The following CREBZF variants were observed in gnomAD, a reference collection of about 807,000 sequenced individuals.
The protein encoded by CREBZF is HCF-binding transcription factor Zhangfei.
Under a neutral mutation model 21.1 loss-of-function variants are expected in CREBZF, and 8 were observed. The observed-to-expected ratio is 0.38, with a 90% CI of 0.22 to 0.68. The LOEUF is 0.68. CREBZF is among the 30% of genes least tolerant of loss of function. The pLI is 0.51. For synonymous variants in CREBZF, 270 were observed against 223.3 expected, an observed-to-expected ratio of 1.21 and a Z score of -1.86; for missense variants, 518 against 484.3, an observed-to-expected ratio of 1.07 and a Z score of -0.65.
rs2082705700 is a variant in CREBZF at position 85,662,170 on chromosome 11, A to G, written c.*1641T>C. ...GTGATGCACTGGAAACCAAAGACCAATTCAGGTCTCAAATCGTATTATCTA... is the reference window on the plus strand; with the variant it reads ...GTGATGCACTGGAAACCAAAGACCAGTTCAGGTCTCAAATCGTATTATCTA... On this transcript the variant is annotated 3_prime_UTR_variant, in exon 1 of 1. Coordinates refer to ENST00000527447, the MANE Select transcript of CREBZF (RefSeq NM_001039618.4). 6 of 513,224 alleles carry G rather than the reference A, an allele frequency of 1.2e-5. No individual in the cohort carries two copies. In the South Asian group the frequency reaches 1.4e-4, roughly 12 times the overall value. The allele number at this position is 513,224 out of a possible 1,614,324, so 31.8% of individuals were successfully genotyped here. A position where few individuals can be genotyped will look rare whatever the true frequency, so the allele number is the denominator to read the frequency against.
At chr11:85,681,470 G>A (rs2082976212) in intron 1 of CREBZF, among the ~76,000 whole-genome samples, 1 of 152,194 alleles carries the variant, frequency 6.6e-6, no homozygotes, top group Non-Finnish European at 1.5e-5. Flanking sequence ...ATACCAGTCA[G>A]TTCATTTCTC....
At chr11:85,677,369 T>G (rs1383276008) in intron 1 of CREBZF, among the ~76,000 whole-genome samples, 1 of 152,264 alleles carries the variant, frequency 6.6e-6, no homozygotes, top group African/African-American at 2.4e-5. Context: ...CAAAAATGTC[T>G]GTCTACAGAT....
chr11:85,667,317 C>A (rs1430757489), upstream of CREBZF, among the ~76,000 whole-genome samples: 1 of 152,014 alleles, frequency 6.6e-6, no homozygotes, highest in Non-Finnish European at 1.5e-5. Flanking sequence ...AGGTGATCTG[C>A]CCGACTCAGC....
rs1555210504 is a variant in CREBZF at position 85,663,725 on chromosome 11, G to A, written c.*86C>T. On this transcript the variant is annotated 3_prime_UTR_variant, in exon 1 of 1. Coordinates refer to ENST00000527447, the MANE Select transcript of CREBZF (RefSeq NM_001039618.4). ...TTTTTCTCTCCTCTGAAATGTGTCCGGTGAAGATGTCCCACTAAGGTAAGT... is the reference window on the plus strand; with the variant it reads ...TTTTTCTCTCCTCTGAAATGTGTCCAGTGAAGATGTCCCACTAAGGTAAGT... 8 of 1,594,080 alleles carry A rather than the reference G, an allele frequency of 5.0e-6. No homozygotes were observed. The highest frequency in any genetic ancestry group is 1.7e-5 in the Admixed American group (1 of 58,564).
At chr11:85,679,919 T>C (rs142802667) in intron 1 of CREBZF, among the ~76,000 whole-genome samples, 8 of 152,328 alleles carry the variant, frequency 5.3e-5, no homozygotes, top group East Asian at 1.9e-4. Context: ...ATGTGGAAGA[T>C]TCTTTTATTT....
chr11:85,667,534 T>C (rs1267149996), upstream of CREBZF, among the ~76,000 whole-genome samples: 1 of 152,260 alleles, frequency 6.6e-6, no homozygotes, highest in African/African-American at 2.4e-5. Context: ...TTGATTTATG[T>C]GAATTCTTTA....
intron 1 of CREBZF, among the ~76,000 whole-genome samples, chr11:85,678,728 A>G (rs2082957075): frequency 6.6e-6 from 1 of 152,242 alleles, no homozygotes; most frequent in Non-Finnish European, 1.5e-5. Context: ...ATGCCATGTC[A>G]TCCTTATATC....
Position 85,663,505 on chromosome 11 carries a change from G to T in CREBZF, c.*306C>A, listed in dbSNP as rs1244301762. The T allele has an allele frequency of 2.2e-5, 20 of 897,760 alleles. No homozygotes were observed. The East Asian group carries it at 5.0e-4, about 22-fold the overall frequency. The allele number at this position is 897,760 out of a possible 1,614,324, so 55.6% of individuals were successfully genotyped here. The stretch of plus-strand genomic sequence containing the variant: ...AAAGCAGCAGAGCATGAGCGTTACG[G>T]GAAGAGATGGATCCTTACCAGGTTG... On this transcript the variant is annotated 3_prime_UTR_variant, in exon 1 of 1. Transcript: ENST00000527447.
At chr11:85,682,174 C>G (rs898952649) in intron 1 of CREBZF, among the ~76,000 whole-genome samples, 8 of 152,198 alleles carry the variant, frequency 5.3e-5, no homozygotes, top group African/African-American at 1.9e-4. Context: ...TTTTGCCTCT[C>G]CAAACCTTCC....
At chr11:85,666,986 T>G (rs2082874464), upstream of CREBZF, among the ~76,000 whole-genome samples, 1 of 152,214 alleles carries the variant, frequency 6.6e-6, no homozygotes. Context: ...GGTAATCCCA[T>G]CCAACTACAT....
chr11:85,679,201 C>T lies in CREBZF; in HGVS notation n.147+3516G>A, dbSNP rs2082960433. ...TTCCTCTTCTCTTGGACAGTCTTTA[C>T]ACATTCTACAGATACCTTACATCCA... is the stretch of plus-strand genomic sequence containing the variant. On this transcript the variant is annotated intron_variant and non_coding_transcript_variant, in intron 1 of 3. Transcript: ENST00000531515. Among the ~76,000 whole-genome samples the T allele has an allele frequency of 2.0e-5, 3 of 152,202 alleles. No individual in the cohort carries two copies. The South Asian group carries it at 6.2e-4, about 31-fold the overall frequency.
Position 85,663,544 on chromosome 11 carries a change from A to G in CREBZF, c.*267T>C, listed in dbSNP as rs926883396. The G allele has an allele frequency of 4.6e-6, 6 of 1,318,052 alleles. No individual in the cohort carries two copies. 81.6% of individuals were successfully genotyped at this position (1,318,052 alleles called of 1,614,324 possible). On this transcript the variant is annotated 3_prime_UTR_variant, in exon 1 of 1. Transcript: ENST00000527447. ...CTTACCAGGTTGTGAGGCGGGAACG[A>G]CTGTTCTGTAACCCCTACAACGGAG...
chr11:85,678,560 T>C (rs17148333), intron 1 of CREBZF, among the ~76,000 whole-genome samples: 2,012 of 152,360 alleles, frequency 0.013, 50 homozygotes, highest in African/African-American at 0.046. Context: ...AATGCCAATA[T>C]TACAACTAAC....
Position 85,662,586 on chromosome 11 carries a change from T to TA in CREBZF, c.*1224dup. The TA allele has an allele frequency of 1.8e-6, 1 of 552,284 alleles. No homozygotes were observed. Among genetic ancestry groups the TA allele is most frequent in the South Asian group, 2.6e-5 (1 of 38,926 alleles). The allele number at this position is 552,284 out of a possible 1,614,324, so 34.2% of individuals were successfully genotyped here. On this transcript the variant is annotated 3_prime_UTR_variant, in exon 1 of 1. Transcript: ENST00000527447. The stretch of plus-strand genomic sequence containing the variant: ...TAATTCAATTTATACAACTGGTTAA[T>TA]AGATTCAAGGGAATAAATCCCACCT...
At chr11:85,666,990 A>G (rs1310811049), upstream of CREBZF, among the ~76,000 whole-genome samples, 3 of 152,210 alleles carry the variant, frequency 2.0e-5, no homozygotes, top group African/African-American at 7.2e-5. Context: ...ATCCCATCCA[A>G]CTACATTTTC....
In CREBZF at chr11:85,664,153, G is replaced by A; in HGVS notation, c.723C>T (p.Ala241=). 6.2e-7 allele frequency: 1 copy of A among 1,613,482 alleles called. No individual in the cohort carries two copies. The highest frequency in any genetic ancestry group is 1.1e-5 in the South Asian group (1 of 91,074). ...GLESRVRGLA[A]ENQELRAENR... is the part of the protein sequence containing the mutation. Reference sequence around the variant, plus strand: ...TCTCGGCCCGCAGCTCCTGGTTCTCGGCTGCCAGACCCCGGACTCGACTCT... The same window carrying A: ...TCTCGGCCCGCAGCTCCTGGTTCTCAGCTGCCAGACCCCGGACTCGACTCT... Residue 241 remains alanine (A), a synonymous_variant, in exon 1 of 1, where the codon GCC becomes GCT. Coordinates refer to ENST00000527447, the MANE Select transcript of CREBZF (RefSeq NM_001039618.4). The surrounding 1 kb of genome is among the most constrained non-coding windows in gnomAD (Gnocchi z 5.5).
chr11:85,664,889 G>C lies in CREBZF; in HGVS notation c.-14C>G. 6.9e-7 allele frequency: 1 copy of C among 1,453,042 alleles called. No homozygotes were observed. The highest frequency in any genetic ancestry group is 9.0e-7 in the Non-Finnish European group (1 of 1,109,526). The allele number at this position is 1,453,042 out of a possible 1,614,324, so 90.0% of individuals were successfully genotyped here. On this transcript the variant is annotated 5_prime_UTR_variant, in exon 1 of 1. Transcript: ENST00000527447. This position sits in a 1 kb window ranked among gnomAD's most constrained non-coding sequence, Gnocchi z 5.5. ...GCTATGCCTCATGAGGGCCAGCGGCGGGCCGCGGTAGGCCCCGGCCGCTAA... is the reference window on the plus strand; with the variant it reads ...GCTATGCCTCATGAGGGCCAGCGGCCGGCCGCGGTAGGCCCCGGCCGCTAA...
rs1489552585 is a variant in CREBZF, at chr11:85,662,222, G to C, written c.*1589C>G. The C allele has an allele frequency of 6.9e-6, 4 of 581,510 alleles. No individual in the cohort carries two copies. The African/African-American group carries it at 7.5e-5, about 11-fold the overall frequency. The allele number at this position is 581,510 out of a possible 1,614,324, so 36.0% of individuals were successfully genotyped here. A position where few individuals can be genotyped will look rare whatever the true frequency, so the allele number is the denominator to read the frequency against. ...CAACAAAACATTTACAGTTGTGCAA[G>C]AACAAGGATTCCATTTTCATAACCA... is the stretch of plus-strand genomic sequence containing the variant. On this transcript the variant is annotated 3_prime_UTR_variant, in exon 1 of 1. Coordinates refer to ENST00000527447, the MANE Select transcript of CREBZF (RefSeq NM_001039618.4).
In CREBZF at chr11:85,664,399, G is replaced by C. The variant is rs750153320; in HGVS notation, c.477C>G (p.Phe159Leu). 1 of 1,613,852 alleles carries C rather than the reference G, an allele frequency of 6.2e-7. No individual in the cohort carries two copies. The highest frequency in any genetic ancestry group is 8.5e-7 in the Non-Finnish European group (1 of 1,180,022). Reference sequence around the variant, plus strand: ...TTAACAGCCTTTGCAGCAGGTCAGAGAAGCGCTGCATTTCAGCAGCCGCGG... The same window carrying C: ...TTAACAGCCTTTGCAGCAGGTCAGACAAGCGCTGCATTTCAGCAGCCGCGG... ...DEAAAAEMQR[F>L]SDLLQRLLNG... Residue 159 changes from phenylalanine (F) to leucine (L), a missense_variant, in exon 1 of 1, where the codon TTC becomes TTG. By Grantham distance (22) the Phe-to-Leu change is conservative (BLOSUM62 0). Coordinates refer to ENST00000527447, the MANE Select transcript of CREBZF (RefSeq NM_001039618.4). The surrounding 1 kb of genome is among the most constrained non-coding windows in gnomAD (Gnocchi z 5.5).
Sources: gnomAD v4.1 joint callset for allele counts (sites outside exome capture counted in the v4.1 genomes callset) on GRCh38, gnomAD v4.1.1 for gene constraint, Gnocchi (gnomAD v3.1) non-coding constraint, MANE v1.5 for transcripts, NCBI Gene and HGNC (gene_info 2026-07-23, HGNC 2026-07-21) for gene names.